CADM1: variants seen among roughly 807,000 people sequenced by gnomAD.
The protein encoded by CADM1 is cell adhesion molecule 1, also known as TSLC-1.
A neutral mutation model predicts 53.1 loss-of-function variants in CADM1; 15 were observed. The ratio of observed to expected loss-of-function variants is 0.28; its 90% CI spans 0.19 to 0.44. The LOEUF (loss-of-function observed/expected upper bound fraction) is 0.44. Ranked by LOEUF, CADM1 falls within the 20% of genes least tolerant of loss-of-function variation. CADM1 has a pLI of 1.00. For missense variants in CADM1, 434 were observed against 611.3 expected (o/e 0.71, Z 3.06); for synonymous variants, 281 against 243.0 (o/e 1.16, Z -1.45).
chr11:115,426,353 A>G (rs1282541569), intron 1 of CADM1, among the ~76,000 whole-genome samples: 4 of 152,142 alleles, frequency 2.6e-5, no homozygotes, highest in African/African-American at 7.2e-5. Context: ...CCTTTTTCAC[A>G]GAGACTTTTG....
intron 7 of CADM1, among the ~76,000 whole-genome samples, chr11:115,211,533 G>A (rs919138699): frequency 1.5e-5 from 2 of 132,168 alleles, no homozygotes; most frequent in South Asian, 2.3e-4. Context: ...AGGCTGGAGT[G>A]CAGTGGCATG....
At chr11:115,492,154 T>C (rs1487007903) in intron 1 of CADM1, among the ~76,000 whole-genome samples, 1 of 151,780 alleles carries the variant, frequency 6.6e-6, no homozygotes, top group Non-Finnish European at 1.5e-5. Context: ...TACAGCCAAA[T>C]GAGGAGGAAG....
At chr11:115,316,608 A>G (rs1027508296) in intron 1 of CADM1, among the ~76,000 whole-genome samples, 7 of 152,144 alleles carry the variant, frequency 4.6e-5, no homozygotes, top group Non-Finnish European at 1.0e-4. Context: ...CTTAAAATGT[A>G]TAGTGTTACC....
intron 1 of CADM1, among the ~76,000 whole-genome samples, chr11:115,338,795 G>C (rs571427683): frequency 2.0e-5 from 3 of 151,864 alleles, no homozygotes; most frequent in Non-Finnish European, 4.4e-5. Flanking sequence ...AAGAGGGGAG[G>C]AGACTGCAAG....
intron 1 of CADM1, among the ~76,000 whole-genome samples, chr11:115,343,904 T>A (rs1334172446): frequency 6.6e-6 from 1 of 152,144 alleles, no homozygotes; most frequent in East Asian, 1.9e-4. Context: ...AGTGTCAATA[T>A]TCTATATAAT....
chr11:115,317,740 A>G (rs1416589476), intron 1 of CADM1, among the ~76,000 whole-genome samples: 3 of 152,212 alleles, frequency 2.0e-5, no homozygotes, highest in Non-Finnish European at 4.4e-5. Flanking sequence ...CCCTGCAGTC[A>G]TTATTCACCA....
intron 1 of CADM1, among the ~76,000 whole-genome samples, chr11:115,342,529 G>T (rs935082325): frequency 6.6e-6 from 1 of 152,054 alleles, no homozygotes; most frequent in South Asian, 2.1e-4. Flanking sequence ...AAACCCTAAG[G>T]CCCCAGTGAC....
chr11:115,436,712 A>G (rs534670760), intron 1 of CADM1, among the ~76,000 whole-genome samples: 83 of 152,318 alleles, frequency 5.4e-4, no homozygotes, highest in Admixed American at 7.8e-4. Context: ...TTGTACCTCA[A>G]TGGTATGGTA....
At chr11:115,212,498 G>A (rs1462273202) in intron 7 of CADM1, among the ~76,000 whole-genome samples, 4 of 152,176 alleles carry the variant, frequency 2.6e-5, no homozygotes, top group Non-Finnish European at 5.9e-5. Flanking sequence ...AAGGATAGGT[G>A]TACCATCTTG....
At chr11:115,256,494 T>C (rs546215477) in intron 1 of CADM1, among the ~76,000 whole-genome samples, 10 of 152,296 alleles carry the variant, frequency 6.6e-5, no homozygotes, top group African/African-American at 2.4e-4. Flanking sequence ...CATCCGGATA[T>C]AGGCTAACAG....
intron 9 of CADM1, among the ~76,000 whole-genome samples, chr11:115,195,586 G>A (rs776938336): frequency 6.6e-6 from 1 of 152,094 alleles, no homozygotes; most frequent in Non-Finnish European, 1.5e-5. Flanking sequence ...CAAACATCTC[G>A]AGATTATTCT....
intron 1 of CADM1, among the ~76,000 whole-genome samples, chr11:115,265,238 T>G (rs575610011): frequency 6.6e-6 from 1 of 152,290 alleles, no homozygotes; most frequent in East Asian, 1.9e-4. Flanking sequence ...ATACCAATAC[T>G]GAAATTTCCC....
intron 1 of CADM1, among the ~76,000 whole-genome samples, chr11:115,371,408 CA>C (rs1188439650): frequency 1.3e-5 from 2 of 151,882 alleles, no homozygotes; most frequent in African/African-American, 2.4e-5. Flanking sequence ...AGCTCTACAA[CA>C]ACCACTAAAA....
intron 1 of CADM1, among the ~76,000 whole-genome samples, chr11:115,274,685 T>C (rs931379969): frequency 1.3e-5 from 2 of 152,216 alleles, no homozygotes; most frequent in Admixed American, 6.5e-5. Flanking sequence ...AGGACGAGAT[T>C]TTGATTTTAT....
chr11:115,352,985 A>G (rs1424592651), intron 1 of CADM1, among the ~76,000 whole-genome samples: 1 of 152,244 alleles, frequency 6.6e-6, no homozygotes, highest in Non-Finnish European at 1.5e-5. Flanking sequence ...TGCAGTGAAC[A>G]TATGCGTGCA....
At chr11:115,332,174 T>A (rs1309594048) in intron 1 of CADM1, among the ~76,000 whole-genome samples, 1 of 151,904 alleles carries the variant, frequency 6.6e-6, no homozygotes, top group Non-Finnish European at 1.5e-5. Context: ...TCGAAGAGAG[T>A]TGCCAGCCTC....
intron 1 of CADM1, among the ~76,000 whole-genome samples, chr11:115,295,506 TTATATATATATATATATATA>T (rs71066412): frequency 0.017 from 948 of 55,032 alleles, 34 homozygotes; most frequent in African/African-American, 0.084. Flanking sequence ...TCAAGATATT[TTATATATATATATATATATA>T]TATATATATA....
intron 1 of CADM1, among the ~76,000 whole-genome samples, chr11:115,316,609 T>G (rs1474255577): frequency 1.3e-5 from 2 of 152,230 alleles, no homozygotes; most frequent in Admixed American, 1.3e-4. Context: ...TTAAAATGTA[T>G]AGTGTTACCG....
intron 1 of CADM1, among the ~76,000 whole-genome samples, chr11:115,339,621 G>T (rs565167247): frequency 6.6e-6 from 1 of 152,154 alleles, no homozygotes; most frequent in South Asian, 2.1e-4. Flanking sequence ...GCAGAGTTTA[G>T]TTTTCATTTT....
Sources: allele counts gnomAD v4.1 joint callset (sites outside exome capture counted in the v4.1 genomes callset), GRCh38; gene constraint gnomAD v4.1.1; transcripts MANE v1.5; gene names NCBI Gene and HGNC (gene_info 2026-07-23, HGNC 2026-07-21).